Variants in DNAH17 observed in about 807,000 individuals in gnomAD.
DNAH17 encodes the protein axonemal beta dynein heavy chain 17.
DNAH17 carries 376 observed loss-of-function variants against 485.6 expected under a neutral mutation model. The ratio of observed to expected loss-of-function variants is 0.77; its 90% confidence interval spans 0.71 to 0.84. The LOEUF (loss-of-function observed/expected upper bound fraction) is 0.84, where lower values mean the gene tolerates loss of function less well. Among genes scored for constraint, DNAH17 ranks in the 40% least tolerant of loss-of-function variants. The pLI is 0.00. For synonymous variants in DNAH17, 3,031 were observed against 2,405.9 expected, an observed-to-expected ratio of 1.26 and a Z score of -7.60; for missense variants, 6,370 against 5,839.3, an observed-to-expected ratio of 1.09 and a Z score of -2.96.
intron 55 of DNAH17, among the ~76,000 whole-genome samples, chr17:78,467,053 C>T (rs1054335951): frequency 6.6e-6 from 1 of 152,212 alleles, no homozygotes; most frequent in African/African-American, 2.4e-5. Context: ...GGAAGGGGCC[C>T]TTGCCTCTCT....
rs1195495381 is a variant in DNAH17 at position 78,569,533 on chromosome 17, C to A, written c.1045-6G>T. On this transcript the variant is annotated splice_region_variant and splice_polypyrimidine_tract_variant and intron_variant, in intron 7 of 80. Coordinates refer to ENST00000389840, the MANE Select transcript of DNAH17 (RefSeq NM_173628.4). ...GGGCTCAGGAAGGTTCGTGTCTGGG[C>A]AAAAGAGAAGACAGACATCTAAAGC... The A allele has an allele frequency of 3.1e-6, 5 of 1,600,240 alleles. No individual in the cohort carries two copies. The Admixed American group carries it at 8.7e-5, about 28-fold the overall frequency.
Position 78,449,590 on chromosome 17 carries a change from G to C in DNAH17, c.11041-6C>G. On this transcript the variant is annotated splice_region_variant and splice_polypyrimidine_tract_variant and intron_variant, in intron 68 of 80. Transcript: ENST00000389840. The stretch of plus-strand genomic sequence containing the variant: ...TCAAACACCACGTTGAAGGCCTGGG[G>C]ATCCGCCACCGAGAGCCATGGAGGC... 1.3e-6 allele frequency: 2 copies of C among 1,580,616 alleles called. No individual in the cohort carries two copies. Among genetic ancestry groups the C allele is most frequent in the African/African-American group, 1.4e-5 (1 of 71,738 alleles).
chr17:78,439,339 A>G (rs77752353), intron 72 of DNAH17, 122 bp from the exon 73 acceptor site: 40,063 of 1,186,786 alleles, frequency 0.034, 1,470 homozygotes, highest in East Asian at 0.14. Flanking sequence ...TGAAATACAC[A>G]TGACATAAAA....
At chr17:78,470,929 GTTTT>G (rs977182375) in intron 54 of DNAH17, among the ~76,000 whole-genome samples, 1 of 151,930 alleles carries the variant, frequency 6.6e-6, no homozygotes, top group African/African-American at 2.4e-5. Context: ...TAAATGAAAA[GTTTT>G]TTTTAAAGCA....
chr17:78,488,712 C>T (rs1454158002), intron 44 of DNAH17, among the ~76,000 whole-genome samples: 2 of 152,178 alleles, frequency 1.3e-5, no homozygotes, highest in African/African-American at 4.8e-5. Context: ...TAGCAGATGT[C>T]ATCAAGGATC....
chr17:78,569,543 GAC>G lies in DNAH17; in HGVS notation c.1045-18_1045-17del. On this transcript the variant is annotated splice_polypyrimidine_tract_variant and intron_variant, in intron 7 of 80. Transcript: ENST00000389840. ...AGGTTCGTGTCTGGGCAAAAGAGAA[GAC>G]AGACATCTAAAGCTCCGACAAGCCA... The G allele has an allele frequency of 1.3e-6, 2 of 1,596,396 alleles. No homozygotes were observed. The highest frequency in any genetic ancestry group is 2.7e-5 in the African/African-American group (2 of 74,668).
At chr17:78,502,095 A>C in intron 33 of DNAH17, 3 of 583,094 alleles carry the variant, frequency 5.1e-6, no homozygotes, top group Non-Finnish European at 8.9e-6. Flanking sequence ...TAGTAGAAGG[A>C]AATTCAAGGC....
chr17:78,426,789 G>T (rs757600591), intron 78 of DNAH17, 137 bp downstream of exon 78: 2 of 1,295,814 alleles, frequency 1.5e-6, no homozygotes, highest in Non-Finnish European at 1.1e-6. Context: ...GCTTGTTCTG[G>T]AACTGCCAGA....
intron 48 of DNAH17, among the ~76,000 whole-genome samples, chr17:78,481,622 T>C (rs1302073331): frequency 1.3e-5 from 2 of 152,110 alleles, no homozygotes; most frequent in Admixed American, 1.3e-4. Flanking sequence ...AGCTAACATA[T>C]GAAAAAACAC....
chr17:78,537,440 G>A lies in DNAH17; in HGVS notation c.2718C>T (p.Asp906=), dbSNP rs374034382. 5.6e-6 allele frequency: 9 copies of A among 1,613,298 alleles called. No individual in the cohort carries two copies. The highest frequency in any genetic ancestry group is 3.3e-5 in the Admixed American group (2 of 59,976). The change falls in exon 19 of 81, where the codon GAC becomes GAT. Residue 906 remains aspartate, a synonymous_variant. Coordinates refer to ENST00000389840, the MANE Select transcript of DNAH17 (RefSeq NM_173628.4). ...TCGGGTTGAAGGTCAGCCCATCCTC[G>A]TCCAGCTCCATGCGGATCTCAAACA... ...APLFEIRMEL[D]EDGLTFNPTL...
intron 41 of DNAH17, among the ~76,000 whole-genome samples, chr17:78,493,825 C>A: frequency 6.6e-6 from 1 of 152,212 alleles, no homozygotes; most frequent in East Asian, 1.9e-4. Context: ...GAGGCCTCAC[C>A]CAGGGATCAG....
In DNAH17 at chr17:78,461,641, T is replaced by C; in HGVS notation, c.9242A>G (p.Asp3081Gly). 1.9e-6 allele frequency: 3 copies of C among 1,611,954 alleles called. No homozygotes were observed. Among genetic ancestry groups the C allele is most frequent in the Non-Finnish European group, 2.5e-6 (3 of 1,179,280 alleles). ...AELKQKNESA[D>G]QLIQVVGIEA... Reference sequence around the variant, plus strand: ...GATGCCGACCACCTGGATCAGTTGGTCTGCGCTCTCATTCTTCTGCTTGAG... The same window carrying C: ...GATGCCGACCACCTGGATCAGTTGGCCTGCGCTCTCATTCTTCTGCTTGAG... Residue 3081 changes from aspartate (D) to glycine (G), a missense_variant, in exon 58 of 81, where the codon GAC becomes GGC. Asp to Gly is a moderately conservative substitution (Grantham distance 94). Transcript: ENST00000389840.
At chr17:78,533,508 A>G (rs1039085499) in intron 19 of DNAH17, among the ~76,000 whole-genome samples, 7 of 152,198 alleles carry the variant, frequency 4.6e-5, no homozygotes, top group African/African-American at 1.7e-4. Flanking sequence ...TGGCTAGAGC[A>G]GAGAGCACGA....
intron 55 of DNAH17, among the ~76,000 whole-genome samples, chr17:78,467,869 T>G (rs1233574424): frequency 6.6e-6 from 1 of 151,978 alleles, no homozygotes; most frequent in African/African-American, 2.4e-5. Flanking sequence ...AATAAAAAAT[T>G]TAGCCAGGTG....
At chr17:78,492,114 C>T (rs1266228553) in intron 42 of DNAH17, among the ~76,000 whole-genome samples, 1 of 152,110 alleles carries the variant, frequency 6.6e-6, no homozygotes, top group Non-Finnish European at 1.5e-5. Flanking sequence ...TAGGCACAGC[C>T]CTCCCCTAGG....
chr17:78,567,238 C>T, intron 9 of DNAH17, 72 bp from the exon 10 acceptor site: 5 of 1,518,268 alleles, frequency 3.3e-6, no homozygotes, highest in East Asian at 2.5e-5. Context: ...AAAACTAGCT[C>T]TGACCCCAGG....
rs1334520397 is a variant in DNAH17 at position 78,453,471 on chromosome 17, G to C, written c.10407-6C>G. 4.3e-6 allele frequency: 7 copies of C among 1,613,752 alleles called. No individual in the cohort carries two copies. In the South Asian group the frequency reaches 7.7e-5, roughly 18 times the overall value. Reference sequence around the variant, plus strand: ...GCTCGATGACATCCAGGTAGCTGCGGGCACAACACGGAAGCTGGTTCATGG... The same window carrying C: ...GCTCGATGACATCCAGGTAGCTGCGCGCACAACACGGAAGCTGGTTCATGG... On this transcript the variant is annotated splice_polypyrimidine_tract_variant and splice_region_variant and intron_variant, in intron 64 of 80. Coordinates refer to ENST00000389840, the MANE Select transcript of DNAH17 (RefSeq NM_173628.4).
At chr17:78,458,483 C>T in intron 62 of DNAH17, 82 bp downstream of exon 62, 1 of 1,240,480 alleles carries the variant, frequency 8.1e-7, no homozygotes, top group Non-Finnish European at 1.2e-6. Context: ...GCTCCCTCCT[C>T]TTCCTCCCAA....
chr17:78,457,227 C>T (rs1159607868), intron 62 of DNAH17, among the ~76,000 whole-genome samples: 9 of 152,070 alleles, frequency 5.9e-5, no homozygotes, highest in Non-Finnish European at 7.4e-5. Flanking sequence ...AAAAATTAGC[C>T]GGGTGTGGTG....
Sources: gnomAD v4.1 joint callset for allele counts (sites outside exome capture counted in the v4.1 genomes callset) on GRCh38, gnomAD v4.1.1 for gene constraint, MANE v1.5 for transcripts, NCBI Gene and HGNC (gene_info 2026-07-23, HGNC 2026-07-21) for gene names.